Variants in DERA observed in about 807,000 individuals in gnomAD.
DERA encodes the protein deoxyribose-phosphate aldolase, also known as 2-deoxy-D-ribose 5-phosphate aldolase.
In DERA, 15 loss-of-function variants were observed where a neutral mutation model predicts 41.1. The observed-to-expected ratio is 0.37, with a 90% CI of 0.24 to 0.56. DERA has a LOEUF of 0.56. Ranked by LOEUF, DERA falls within the 20% of genes least tolerant of loss-of-function variation. The pLI is 0.81. For synonymous variants in DERA, 139 were observed against 137.4 expected (o/e 1.01, Z -0.08); for missense variants, 396 against 403.4 (o/e 0.98, Z 0.16).
At chr12:15,944,037 G>A (rs1277090235) in intron 1 of DERA, among the ~76,000 whole-genome samples, 2 of 151,882 alleles carry the variant, frequency 1.3e-5, no homozygotes, top group Admixed American at 6.6e-5. Flanking sequence ...CTTCATCCAT[G>A]TCCCTACAAA....
intron 5 of DERA, 95 bp downstream of exon 5, chr12:15,963,042 C>A: frequency 6.9e-7 from 1 of 1,449,298 alleles, no homozygotes; most frequent in Non-Finnish European, 9.2e-7. Context: ...GGTCACTGTT[C>A]TAGGTGACAA....
chr12:15,916,660 A>G (rs1199258129), intron 1 of DERA, among the ~76,000 whole-genome samples: 1 of 152,122 alleles, frequency 6.6e-6, no homozygotes, highest in Non-Finnish European at 1.5e-5. Flanking sequence ...AGTGTTGGCC[A>G]GGCTGGTCTT....
chr12:15,917,473 CAT>C (rs1303778176), intron 1 of DERA, among the ~76,000 whole-genome samples: 1 of 152,206 alleles, frequency 6.6e-6, no homozygotes, highest in Non-Finnish European at 1.5e-5. Flanking sequence ...CTTTAGATTT[CAT>C]AGAGTGCTTT....
chr12:16,036,756 C>T lies in DERA; in HGVS notation c.*10C>T, dbSNP rs764806248. On this transcript the variant is annotated 3_prime_UTR_variant, in exon 9 of 9. Coordinates refer to ENST00000428559, the MANE Select transcript of DERA (RefSeq NM_015954.4). The surrounding 1 kb of genome is among the most constrained non-coding windows in gnomAD (Gnocchi z 4.9). The stretch of plus-strand genomic sequence containing the variant: ...TCTTCCAATGTCTTAAATCAGTCAC[C>T]AGTTCCAGAAAAGTTCTTTACGACA... The T allele has an allele frequency of 2.5e-6, 4 of 1,572,002 alleles. No individual in the cohort carries two copies. In the African/African-American group the frequency reaches 5.5e-5, roughly 22 times the overall value.
rs1211837293 is a variant in DERA, at chr12:15,958,224, C to A, written c.166C>A (p.Leu56Ile). Reference protein sequence around the residue: ...WLLKAVTFIDLTTLSGDDTSS... With the variant: ...WLLKAVTFIDITTLSGDDTSS... The stretch of plus-strand genomic sequence containing the variant: ...CCTGAAAGCTGTTACCTTTATAGAT[C>A]TTACTACACTTTCAGGTGATGATAC... Residue 56 changes from leucine (L) to isoleucine (I), a missense_variant, in exon 3 of 9, where the codon CTT (leucine) becomes ATT (isoleucine). By Grantham distance (5) the Leu-to-Ile change is conservative. Coordinates refer to ENST00000428559, the MANE Select transcript of DERA (RefSeq NM_015954.4). The A allele has an allele frequency of 6.3e-7, 1 of 1,587,438 alleles. No homozygotes were observed. The highest frequency in any genetic ancestry group is 1.2e-5 in the South Asian group (1 of 86,704).
At chr12:16,029,869 A>G (rs1176567652) in intron 6 of DERA, among the ~76,000 whole-genome samples, 1 of 145,644 alleles carries the variant, frequency 6.9e-6, no homozygotes, top group Non-Finnish European at 1.5e-5. Context: ...TGTGGTTTTT[A>G]AGAGATCATG....
chr12:15,977,101 C>A (rs908751755), intron 5 of DERA, among the ~76,000 whole-genome samples: 1 of 152,088 alleles, frequency 6.6e-6, no homozygotes. Context: ...TACCTTGGAA[C>A]TTTTCATTTT....
At chr12:15,974,798 C>A (rs1338894720) in intron 5 of DERA, among the ~76,000 whole-genome samples, 1 of 152,076 alleles carries the variant, frequency 6.6e-6, no homozygotes, top group African/African-American at 2.4e-5. Flanking sequence ...GTCATTTCTT[C>A]TATACTTAAG....
rs1487110050 is a variant in DERA, at chr12:15,918,415, G to A, written c.31+7001G>A. ...ATTGGACTCTGGGCTACCCCATTCT[G>A]TTTGGCCCACTCTGGGCCATAGTGG... On this transcript the variant is annotated intron_variant, in intron 1 of 8. Coordinates refer to ENST00000428559, the MANE Select transcript of DERA (RefSeq NM_015954.4). The surrounding 1 kb of genome is among the most constrained non-coding windows in gnomAD (Gnocchi z 4.3). 6.6e-6 allele frequency among the ~76,000 whole-genome samples: 1 copy of A among 152,088 alleles called. No homozygotes were observed. Among genetic ancestry groups the A allele is most frequent in the Non-Finnish European group, 1.5e-5 (1 of 68,032 alleles).
rs1362861370 is a variant in DERA at position 15,931,990 on chromosome 12, GCAC to G, written c.31+20580_31+20582del. Among the ~76,000 whole-genome samples, 21 of 152,228 alleles carry G rather than the reference GCAC, an allele frequency of 1.4e-4. No individual in the cohort carries two copies. Among genetic ancestry groups the G allele is most frequent in the Non-Finnish European group, 2.5e-4 (17 of 68,010 alleles). On this transcript the variant is annotated intron_variant, in intron 1 of 8. Coordinates refer to ENST00000428559, the MANE Select transcript of DERA (RefSeq NM_015954.4). This position sits in a 1 kb window ranked among gnomAD's most constrained non-coding sequence, Gnocchi z 4.6. The stretch of plus-strand genomic sequence containing the variant: ...GCAGAAAAGCCCTTACCAAAAGCCA[GCAC>G]CACACTCTTGAACTTTGCAGCCTAC...
At chr12:15,950,455 C>G (rs979738521) in intron 1 of DERA, among the ~76,000 whole-genome samples, 18 of 152,130 alleles carry the variant, frequency 1.2e-4, no homozygotes, top group African/African-American at 4.3e-4. Context: ...TTTACTGCAA[C>G]CTGTTTTATC....
intron 1 of DERA, among the ~76,000 whole-genome samples, chr12:15,925,249 AT>A (rs1948273471): frequency 6.6e-6 from 1 of 152,178 alleles, no homozygotes; most frequent in Non-Finnish European, 1.5e-5. Flanking sequence ...GCTATTGGAA[AT>A]TATCCCTAGC....
At chr12:16,028,620 T>A (rs1014934044) in intron 6 of DERA, among the ~76,000 whole-genome samples, 1 of 152,168 alleles carries the variant, frequency 6.6e-6, no homozygotes, top group African/African-American at 2.4e-5. Flanking sequence ...GAGCCAACAC[T>A]AACTACCTCA....
chr12:15,934,029 A>G (rs1948347952), intron 1 of DERA, among the ~76,000 whole-genome samples: 1 of 152,202 alleles, frequency 6.6e-6, no homozygotes, highest in Non-Finnish European at 1.5e-5. Flanking sequence ...AGTTGGTTGT[A>G]CTAGGATAAA....
intron 1 of DERA, among the ~76,000 whole-genome samples, chr12:15,937,175 C>T (rs1289661921): frequency 1.3e-5 from 2 of 152,092 alleles, no homozygotes; most frequent in Non-Finnish European, 2.9e-5. Context: ...AGGCTGATCT[C>T]CAACTCCTGG....
Position 15,926,716 on chromosome 12 carries a change from G to A in DERA, c.31+15302G>A, listed in dbSNP as rs1290502761. On this transcript the variant is annotated intron_variant, in intron 1 of 8. Coordinates refer to ENST00000428559, the MANE Select transcript of DERA (RefSeq NM_015954.4). Reference sequence around the variant, plus strand: ...CCACCACTGCACTCCCGCCTGGGGCGACAGAGCGAGACTCCGTCTCAAAAA... The same window carrying A: ...CCACCACTGCACTCCCGCCTGGGGCAACAGAGCGAGACTCCGTCTCAAAAA... 3.7e-5 allele frequency among the ~76,000 whole-genome samples: 5 copies of A among 134,510 alleles called. No individual in the cohort carries two copies. The East Asian group carries it at 9.5e-4, about 26-fold the overall frequency. The allele number at this position is 134,510 out of a possible 152,430, so 88.2% of individuals were successfully genotyped here.
Position 15,990,635 on chromosome 12 carries a change from T to C in DERA, c.637+8199T>C, listed in dbSNP as rs78670331. Among the ~76,000 whole-genome samples, 3,602 of 152,204 alleles carry C rather than the reference T, an allele frequency of 0.024. 61 individuals are homozygous for C. Among genetic ancestry groups the C allele is most frequent in the East Asian group, 0.034 (177 of 5,174 alleles). ...AAACTCCAAAAGACCCCAGTGTCTG[T>C]TATTCTCCTTGATGTGTCTATGTGT... On this transcript the variant is annotated intron_variant, in intron 6 of 8. Transcript: ENST00000428559. The surrounding 1 kb of genome is among the most constrained non-coding windows in gnomAD (Gnocchi z 4.3).
In DERA at chr12:15,976,949, CT is replaced by C. The variant is rs1948701443; in HGVS notation, c.509-5358del. On this transcript the variant is annotated intron_variant, in intron 5 of 8. Coordinates refer to ENST00000428559, the MANE Select transcript of DERA (RefSeq NM_015954.4). This position sits in a 1 kb window ranked among gnomAD's most constrained non-coding sequence, Gnocchi z 4.1. ...CCTGGTTTTCTTCCCATCCAGGGGGCTAAAAGAGCAATTTAGAGATCATTTT... is the reference window on the plus strand; with the variant it reads ...CCTGGTTTTCTTCCCATCCAGGGGGCAAAAGAGCAATTTAGAGATCATTTT... 6.6e-6 allele frequency among the ~76,000 whole-genome samples: 1 copy of C among 151,876 alleles called. No individual in the cohort carries two copies. Among genetic ancestry groups the C allele is most frequent in the African/African-American group, 2.4e-5 (1 of 41,318 alleles).
intron 1 of DERA, among the ~76,000 whole-genome samples, chr12:15,951,610 C>T (rs1948498182): frequency 6.6e-6 from 1 of 152,114 alleles, no homozygotes; most frequent in African/African-American, 2.4e-5. Context: ...GTTATATTTC[C>T]TGCTCAATAA....
Sources: allele counts gnomAD v4.1 joint callset (sites outside exome capture counted in the v4.1 genomes callset), GRCh38; gene constraint gnomAD v4.1.1; non-coding constraint Gnocchi (gnomAD v3.1); transcripts MANE v1.5; gene names NCBI Gene and HGNC (gene_info 2026-07-23, HGNC 2026-07-21).